Variants in MAX observed in about 807,000 individuals in gnomAD.
The protein encoded by MAX is protein max.
In MAX, 3 loss-of-function variants were observed where a neutral mutation model predicts 22.3. The observed-to-expected ratio is 0.13, with a 90% CI of 0.06 to 0.35. The LOEUF is 0.35. Among genes scored for constraint, MAX ranks in the 10% least tolerant of loss-of-function variants. MAX has a pLI of 1.00. For synonymous variants in MAX, 72 were observed against 77.7 expected (o/e 0.93, Z 0.39); for missense variants, 119 against 209.4 (o/e 0.57, Z 2.66).
rs1348883599 is a variant in MAX, at chr14:65,023,994, C to T, written c.172-17710G>A. Among the ~76,000 whole-genome samples, 1 of 151,736 alleles carries T rather than the reference C, an allele frequency of 6.6e-6. No homozygotes were observed. The highest frequency in any genetic ancestry group is 1.5e-5 in the Non-Finnish European group (1 of 67,948). On this transcript the variant is annotated intron_variant, in intron 3 of 3. Coordinates refer to the MAX transcript ENST00000341653. This position sits in a 1 kb window ranked among gnomAD's most constrained non-coding sequence, Gnocchi z 4.1. ...GCATGCACCTGTAGTCCCAGCTACT[C>T]GGGAGGCTGAGGGAGGAGAATCACT... is the stretch of plus-strand genomic sequence containing the variant.
chr14:65,066,233 C>T (rs998319465), intron 3 of MAX, among the ~76,000 whole-genome samples: 3 of 152,202 alleles, frequency 2.0e-5, no homozygotes, highest in African/African-American at 4.8e-5. Flanking sequence ...AGTGTGATGC[C>T]GTGTGGCTCA....
At chr14:65,038,973 A>T (rs1330599078) in intron 3 of MAX, among the ~76,000 whole-genome samples, 1 of 152,168 alleles carries the variant, frequency 6.6e-6, no homozygotes, top group Non-Finnish European at 1.5e-5. Flanking sequence ...TTATCTAAAG[A>T]TACAACTTTA....
At chr14:65,048,608 T>C (rs901807122) in intron 3 of MAX, among the ~76,000 whole-genome samples, 1 of 152,194 alleles carries the variant, frequency 6.6e-6, no homozygotes, top group Non-Finnish European at 1.5e-5. Context: ...ATCCCAGCAC[T>C]TTGGGAGGCC....
rs548076572 is a variant in MAX at position 65,031,411 on chromosome 14, G to A, written c.172-25127C>T. 4.6e-5 allele frequency among the ~76,000 whole-genome samples: 7 copies of A among 151,532 alleles called. No homozygotes were observed. Among genetic ancestry groups the A allele is most frequent in the Non-Finnish European group, 8.8e-5 (6 of 67,888 alleles). The stretch of plus-strand genomic sequence containing the variant: ...TGGCTCACTGCAACCCCCGCCTCCC[G>A]GGTTCAAGTGGTTCTCCTGCCTCAG... On this transcript the variant is annotated intron_variant, in intron 3 of 3. Transcript: ENST00000341653. This position sits in a 1 kb window ranked among gnomAD's most constrained non-coding sequence, Gnocchi z 4.6.
rs566397657 is a variant in MAX, at chr14:65,047,072, A to G, written c.172-40788T>C. 7.2e-5 allele frequency among the ~76,000 whole-genome samples: 11 copies of G among 152,356 alleles called. No homozygotes were observed. In the South Asian group the frequency reaches 2.3e-3, roughly 32 times the overall value. On this transcript the variant is annotated intron_variant, in intron 3 of 3. Coordinates refer to the MAX transcript ENST00000341653. The surrounding 1 kb of genome is among the most constrained non-coding windows in gnomAD (Gnocchi z 5.2). ...TGGATGGACAACCCAACTGAAAAAC[A>G]GGCAAAGGATCTGAAGAAAGAGGTC... is the stretch of plus-strand genomic sequence containing the variant.
At chr14:65,061,355 G>A (rs1315229092) in intron 3 of MAX, 4 of 1,611,642 alleles carry the variant, frequency 2.5e-6, no homozygotes, top group Non-Finnish European at 3.4e-6. Flanking sequence ...CATCTCCCCA[G>A]TCAGACAAGG....
chr14:65,042,325 C>G (rs1470640812), intron 3 of MAX, among the ~76,000 whole-genome samples: 1 of 151,910 alleles, frequency 6.6e-6, no homozygotes, highest in Non-Finnish European at 1.5e-5. Flanking sequence ...CAGTGAGAGC[C>G]CTGAGCTTGT....
At chr14:65,039,456 TA>T (rs1475021138) in intron 3 of MAX, among the ~76,000 whole-genome samples, 3 of 152,202 alleles carry the variant, frequency 2.0e-5, no homozygotes, top group Non-Finnish European at 4.4e-5. Flanking sequence ...GTAGGGGACT[TA>T]AAGGTCTGAT....
rs145163076 is a variant in MAX at position 65,084,218 on chromosome 14, T to C, written c.172-6182A>G. The stretch of plus-strand genomic sequence containing the variant: ...TCTTTTTTCTTGTGCACTTGGTAGC[T>C]TGAAATGAAGGTGTGGCATTTCTGC... On this transcript the variant is annotated intron_variant, in intron 3 of 4. Transcript: ENST00000358664. The surrounding 1 kb of genome is among the most constrained non-coding windows in gnomAD (Gnocchi z 4.3). 50 of 1,614,148 alleles carry C rather than the reference T, an allele frequency of 3.1e-5. No homozygotes were observed. The highest frequency in any genetic ancestry group is 3.2e-5 in the Non-Finnish European group (38 of 1,180,014).
chr14:65,072,795 T>C (rs974616261), downstream of MAX, among the ~76,000 whole-genome samples: 4 of 152,126 alleles, frequency 2.6e-5, no homozygotes, highest in African/African-American at 9.7e-5. Flanking sequence ...AGAGCCTCAC[T>C]CGAGTTGACA....
intron 3 of MAX, chr14:65,040,817 C>G: frequency 6.2e-7 from 1 of 1,613,314 alleles, no homozygotes; most frequent in Non-Finnish European, 8.5e-7. Context: ...GTGGCATTGG[C>G]GGGGTACCAG....
In MAX at chr14:65,076,247, C is replaced by T. The variant is rs1200431704; in HGVS notation, c.*229G>A. On this transcript the variant is annotated 3_prime_UTR_variant, in exon 5 of 5. Coordinates refer to ENST00000358664, the MANE Select transcript of MAX (RefSeq NM_002382.5). The surrounding 1 kb of genome is among the most constrained non-coding windows in gnomAD (Gnocchi z 6.6). ...TTGGTTTAAAAATTCCTGTTGGGGA[C>T]AGGGAATCCCTGAAGGGAATACATT... 2 of 1,427,816 alleles carry T rather than the reference C, an allele frequency of 1.4e-6. No individual in the cohort carries two copies. The highest frequency in any genetic ancestry group is 1.8e-6 in the Non-Finnish European group (2 of 1,097,118). 88.4% of individuals were successfully genotyped at this position (1,427,816 alleles called of 1,614,324 possible).
At chr14:65,097,476 C>T (rs1006825334) in intron 2 of MAX, among the ~76,000 whole-genome samples, 1 of 152,198 alleles carries the variant, frequency 6.6e-6, no homozygotes, top group Non-Finnish European at 1.5e-5. Flanking sequence ...CAGAACAATG[C>T]CATGTCTTAC....
rs2063044219 is a variant in MAX at position 65,075,864 on chromosome 14, C to T, written c.*612G>A. The T allele has an allele frequency of 9.4e-7, 1 of 1,067,220 alleles. No individual in the cohort carries two copies. Among genetic ancestry groups the T allele is most frequent in the African/African-American group, 1.6e-5 (1 of 61,066 alleles). The allele number at this position is 1,067,220 out of a possible 1,614,324, so 66.1% of individuals were successfully genotyped here. ...GCAGGAGTGAAACATGCCAGCGACT[C>T]TGTGCTGCGAATCTGTCCCCACTTC... is the stretch of plus-strand genomic sequence containing the variant. On this transcript the variant is annotated 3_prime_UTR_variant, in exon 5 of 5. Coordinates refer to ENST00000358664, the MANE Select transcript of MAX (RefSeq NM_002382.5). The surrounding 1 kb of genome is among the most constrained non-coding windows in gnomAD (Gnocchi z 4.1).
chr14:65,018,881 T>C (rs111824220), intron 3 of MAX, among the ~76,000 whole-genome samples: 3,187 of 147,238 alleles, frequency 0.022, 114 homozygotes, highest in East Asian at 0.12. Context: ...GAGAACGAAG[T>C]GGGTGGATCA....
At chr14:65,099,112 T>C (rs1014180790) in intron 2 of MAX, among the ~76,000 whole-genome samples, 2 of 152,132 alleles carry the variant, frequency 1.3e-5, no homozygotes, top group African/African-American at 4.8e-5. Context: ...TTATCCATAT[T>C]AAATATTGAG....
chr14:65,098,053 C>T (rs548209154), intron 2 of MAX, among the ~76,000 whole-genome samples: 11 of 152,314 alleles, frequency 7.2e-5, no homozygotes, highest in African/African-American at 2.6e-4. Flanking sequence ...ATGCCTTGGT[C>T]AGGAAATTTT....
rs1232248270 is a variant in MAX at position 65,047,009 on chromosome 14, C to T, written c.172-40725G>A. Among the ~76,000 whole-genome samples, 1 of 152,072 alleles carries T rather than the reference C, an allele frequency of 6.6e-6. No homozygotes were observed. The highest frequency in any genetic ancestry group is 1.9e-4 in the East Asian group (1 of 5,200). On this transcript the variant is annotated intron_variant, in intron 3 of 3. Coordinates refer to the MAX transcript ENST00000341653. This position sits in a 1 kb window ranked among gnomAD's most constrained non-coding sequence, Gnocchi z 5.2. ...ATAACAAGTGATGAATGGCTAATTT[C>T]TTTAATTTGAAAAAAAATCATACAA...
At chr14:65,097,057 C>T (rs1256416) in intron 2 of MAX, among the ~76,000 whole-genome samples, 7,292 of 152,200 alleles carry the variant, frequency 0.048, 343 homozygotes, top group East Asian at 0.19. Context: ...CAGAAACTCC[C>T]GCACCAAATC....
Sources: allele counts gnomAD v4.1 joint callset (sites outside exome capture counted in the v4.1 genomes callset), GRCh38; gene constraint gnomAD v4.1.1; non-coding constraint Gnocchi (gnomAD v3.1); transcripts MANE v1.5; gene names NCBI Gene and HGNC (gene_info 2026-07-23, HGNC 2026-07-21).